Variants in CTNNA3 observed in about 807,000 individuals in gnomAD.
The protein encoded by CTNNA3 is catenin alpha-3.
CTNNA3 carries 76 observed loss-of-function variants against 95.7 expected under a neutral mutation model. The ratio of observed to expected loss-of-function variants is 0.79; its 90% CI spans 0.66 to 0.96. The LOEUF is 0.96. Among genes scored for constraint, CTNNA3 ranks in the 40% least tolerant of loss-of-function variants. CTNNA3 has a pLI of 0.00. For synonymous variants in CTNNA3, 431 were observed against 374.4 expected, an observed-to-expected ratio of 1.15 and a Z score of -1.74; for missense variants, 1,191 against 1,089.8, an observed-to-expected ratio of 1.09 and a Z score of -1.31.
At chr10:67,344,409 T>A (rs1428470013) in intron 5 of CTNNA3, among the ~76,000 whole-genome samples, 2 of 152,074 alleles carry the variant, frequency 1.3e-5, no homozygotes, top group African/African-American at 4.8e-5. Context: ...TTTGGAATAT[T>A]TTTACTAGCA....
At chr10:66,964,264 T>C (rs1170976311) in intron 7 of CTNNA3, among the ~76,000 whole-genome samples, 2 of 151,742 alleles carry the variant, frequency 1.3e-5, no homozygotes, top group African/African-American at 2.4e-5. Context: ...GGATTCTACA[T>C]TGAAGAGCAG....
chr10:66,958,520 T>C (rs1270860235), intron 7 of CTNNA3, among the ~76,000 whole-genome samples: 2 of 152,090 alleles, frequency 1.3e-5, no homozygotes, highest in African/African-American at 2.4e-5. Flanking sequence ...TTGTCACAAA[T>C]GTGCAGCTGG....
At position 66,775,295 on chromosome 10, in the gene CTNNA3, T is replaced by C. The variant is rs544563975; in HGVS notation, c.1128+149A>G. The C allele has an allele frequency of 1.3e-5, 7 of 550,670 alleles. No homozygotes were observed. The East Asian group carries it at 1.5e-4, about 12-fold the overall frequency. 34.1% of individuals were successfully genotyped at this position (550,670 alleles called of 1,614,324 possible). Reference sequence around the variant, plus strand: ...CCACAAAAAACATTTGAGGTATGAATATATAAATGTGGAAAGTATATATTT... The same window carrying C: ...CCACAAAAAACATTTGAGGTATGAACATATAAATGTGGAAAGTATATATTT... On this transcript the variant is annotated intron_variant, in intron 8 of 17. Transcript: ENST00000433211.
intron 5 of CTNNA3, among the ~76,000 whole-genome samples, chr10:67,298,169 T>C (rs975176659): frequency 3.9e-5 from 6 of 152,214 alleles, no homozygotes; most frequent in African/African-American, 1.2e-4. Context: ...GACCATCTTA[T>C]AGATAGGCTG....
intron 13 of CTNNA3, among the ~76,000 whole-genome samples, chr10:66,268,091 GATGATGATGATAATA>G (rs1157603397): frequency 3.3e-5 from 5 of 152,202 alleles, no homozygotes; most frequent in Non-Finnish European, 5.9e-5. Context: ...AAATGATGAT[GATGATGATGATAATA>G]ATGATGATGA....
intron 13 of CTNNA3, among the ~76,000 whole-genome samples, chr10:66,265,572 C>T (rs574294619): frequency 6.6e-6 from 1 of 152,036 alleles, no homozygotes; most frequent in Non-Finnish European, 1.5e-5. Flanking sequence ...CATTCAGTAA[C>T]TTTTAGAAAC....
chr10:66,902,628 C>T (rs2132530878), intron 7 of CTNNA3, among the ~76,000 whole-genome samples: 1 of 152,126 alleles, frequency 6.6e-6, no homozygotes, highest in South Asian at 2.1e-4. Flanking sequence ...AATTGATAGA[C>T]CACTAGCAAG....
At chr10:66,825,705 AC>A (rs1213091592) in intron 7 of CTNNA3, among the ~76,000 whole-genome samples, 1 of 152,036 alleles carries the variant, frequency 6.6e-6, no homozygotes, top group Non-Finnish European at 1.5e-5. Flanking sequence ...AGCTAGCCAA[AC>A]TTTTTTTTCT....
intron 14 of CTNNA3, among the ~76,000 whole-genome samples, chr10:66,082,288 T>G (rs2080796156): frequency 1.3e-5 from 2 of 152,086 alleles, no homozygotes; most frequent in Admixed American, 6.6e-5. Flanking sequence ...CCTCCTGATT[T>G]GATGGACTGA....
intron 7 of CTNNA3, among the ~76,000 whole-genome samples, chr10:67,163,428 C>A (rs1861632223): frequency 6.6e-6 from 1 of 151,908 alleles, no homozygotes; most frequent in Non-Finnish European, 1.5e-5. Flanking sequence ...CCATTTATCA[C>A]ACAAACTCTC....
intron 7 of CTNNA3, among the ~76,000 whole-genome samples, chr10:67,095,530 C>A (rs1857936342): frequency 1.3e-5 from 2 of 151,666 alleles, no homozygotes; most frequent in Non-Finnish European, 1.5e-5. Context: ...AGTCAGTAGC[C>A]TTGATACATT....
chr10:66,179,422 T>A (rs2085919258), intron 13 of CTNNA3, among the ~76,000 whole-genome samples: 1 of 152,056 alleles, frequency 6.6e-6, no homozygotes, highest in African/African-American at 2.4e-5. Flanking sequence ...ATAGGAGCAA[T>A]CTTTATGGTG....
chr10:67,304,863 G>A (rs1840472709), intron 5 of CTNNA3, among the ~76,000 whole-genome samples: 1 of 152,016 alleles, frequency 6.6e-6, no homozygotes, highest in South Asian at 2.1e-4. Context: ...TTCTGGAGGA[G>A]ACATCCCAGA....
At position 67,613,336 on chromosome 10, in the gene CTNNA3, G is replaced by A. The variant is rs765964905; in HGVS notation, c.100-6287C>T. 1.1e-4 allele frequency among the ~76,000 whole-genome samples: 17 copies of A among 151,084 alleles called. No individual in the cohort carries two copies. The East Asian group carries it at 1.6e-3, about 14-fold the overall frequency. On this transcript the variant is annotated intron_variant, in intron 2 of 17. Transcript: ENST00000433211. Reference sequence around the variant, plus strand: ...CTCATCCTGAAAACACAGAGCCAGCGTACTGTGAAAAATAAACAAACAGTG... The same window carrying A: ...CTCATCCTGAAAACACAGAGCCAGCATACTGTGAAAAATAAACAAACAGTG...
intron 9 of CTNNA3, among the ~76,000 whole-genome samples, chr10:66,676,823 C>A (rs541131721): frequency 1.3e-5 from 2 of 152,220 alleles, no homozygotes; most frequent in African/African-American, 4.8e-5. Context: ...AACATTCTGG[C>A]AGCACAGGCT....
chr10:67,699,466 C>A (rs1841016157), upstream of CTNNA3, among the ~76,000 whole-genome samples: 2 of 152,210 alleles, frequency 1.3e-5, no homozygotes, highest in Admixed American at 1.3e-4. Flanking sequence ...CAAATGAGAT[C>A]TTTAAATGAC....
At chr10:67,700,828 G>A (rs562956974), upstream of CTNNA3, among the ~76,000 whole-genome samples, 5 of 152,104 alleles carry the variant, frequency 3.3e-5, no homozygotes, top group African/African-American at 4.8e-5. Context: ...AAACTACTGC[G>A]AACTACAGGA....
chr10:67,338,452 A>C (rs2132606217), intron 5 of CTNNA3, among the ~76,000 whole-genome samples: 1 of 152,266 alleles, frequency 6.6e-6, no homozygotes, highest in East Asian at 1.9e-4. Flanking sequence ...CAGTTTCAAC[A>C]CTGGGAATTA....
chr10:66,911,671 C>T (rs964086111), intron 7 of CTNNA3, among the ~76,000 whole-genome samples: 7 of 152,280 alleles, frequency 4.6e-5, no homozygotes, highest in African/African-American at 1.4e-4. Flanking sequence ...CTCTGGTCTA[C>T]ATTTTTAAAT....
Sources: allele counts gnomAD v4.1 joint callset (sites outside exome capture counted in the v4.1 genomes callset), GRCh38; gene constraint gnomAD v4.1.1; transcripts MANE v1.5; gene names NCBI Gene and HGNC (gene_info 2026-07-23, HGNC 2026-07-21).